The following KCNJ6 variants were observed in gnomAD, a reference collection of about 807,000 sequenced individuals.
KCNJ6 encodes the protein G protein-activated inward rectifier potassium channel 2.
KCNJ6 carries 9 observed loss-of-function variants against 34.2 expected under a neutral mutation model. The ratio of observed to expected loss-of-function variants is 0.26; its 90% CI spans 0.16 to 0.46. The LOEUF is 0.46. Ranked by LOEUF, KCNJ6 falls within the 20% of genes least tolerant of loss-of-function variation. The pLI is 1.00. For synonymous variants in KCNJ6, 196 were observed against 207.1 expected (o/e 0.95, Z 0.46); for missense variants, 236 against 531.3 (o/e 0.44, Z 5.46).
chr21:37,827,382 C>CATCTGACA (rs1291292677), intron 2 of KCNJ6, among the ~76,000 whole-genome samples: 23 of 152,174 alleles, frequency 1.5e-4, no homozygotes, highest in African/African-American at 4.6e-4. Context: ...GTGTAAGGTG[C>CATCTGACA]AGTGTTACTT....
At chr21:37,634,692 AT>A (rs150014533) in intron 3 of KCNJ6, among the ~76,000 whole-genome samples, 2,674 of 152,286 alleles carry the variant, frequency 0.018, 75 homozygotes, top group African/African-American at 0.06. Flanking sequence ...AAATTTAAAA[AT>A]ATACCACTTT....
intron 2 of KCNJ6, among the ~76,000 whole-genome samples, chr21:37,752,696 G>C (rs914764912): frequency 6.6e-6 from 1 of 152,238 alleles, no homozygotes; most frequent in Non-Finnish European, 1.5e-5. Context: ...GGCGGCCCCA[G>C]ACACATTCAA....
intron 2 of KCNJ6, among the ~76,000 whole-genome samples, chr21:37,768,028 C>T (rs1449414319): frequency 6.6e-6 from 1 of 151,584 alleles, no homozygotes; most frequent in Non-Finnish European, 1.5e-5. Context: ...AATTATATTT[C>T]CAAAGGACTT....
chr21:37,727,330 T>C (rs1039556577), intron 2 of KCNJ6, among the ~76,000 whole-genome samples: 4 of 151,996 alleles, frequency 2.6e-5, no homozygotes, highest in African/African-American at 9.7e-5. Flanking sequence ...GGTGGAGTGG[T>C]GGGGTCTAAG....
chr21:37,724,057 G>A (rs1382411359), intron 2 of KCNJ6, among the ~76,000 whole-genome samples: 2 of 152,170 alleles, frequency 1.3e-5, no homozygotes, highest in African/African-American at 2.4e-5. Context: ...GGAAATGAAG[G>A]GGAATGGGAA....
rs540848904 is a variant in KCNJ6 at position 37,828,016 on chromosome 21, T to A, written c.25+12642A>T. On this transcript the variant is annotated intron_variant, in intron 2 of 3. Transcript: ENST00000609713. ...CTGGGCCACAGTTAGATCAGCTCTGTCTGTCTCTTAAGGCCACACTGACGT... is the reference window on the plus strand; with the variant it reads ...CTGGGCCACAGTTAGATCAGCTCTGACTGTCTCTTAAGGCCACACTGACGT... Among the ~76,000 whole-genome samples, 33 of 152,284 alleles carry A rather than the reference T, an allele frequency of 2.2e-4. No individual in the cohort carries two copies. The South Asian group carries it at 6.6e-3, about 31-fold the overall frequency.
In KCNJ6 at chr21:37,622,300, G is replaced by A. The variant is rs1408555660; in HGVS notation, c.*2859C>T. On this transcript the variant is annotated 3_prime_UTR_variant, in exon 4 of 4. Coordinates refer to ENST00000609713, the MANE Select transcript of KCNJ6 (RefSeq NM_002240.5). The stretch of plus-strand genomic sequence containing the variant: ...CACTTGGTTTGCTAATGGAGTGACT[G>A]AGGGAATGAGGACTGGATATTGCGG... 2.0e-5 allele frequency: 3 copies of A among 152,210 alleles called. No individual in the cohort carries two copies. Among genetic ancestry groups the A allele is most frequent in the African/African-American group, 4.8e-5 (2 of 41,448 alleles). 9.4% of individuals were successfully genotyped at this position (152,210 alleles called of 1,614,324 possible).
chr21:37,817,127 T>C (rs2055350440), intron 2 of KCNJ6, among the ~76,000 whole-genome samples: 2 of 152,326 alleles, frequency 1.3e-5, no homozygotes, highest in South Asian at 4.1e-4. Context: ...CTCACGGAAC[T>C]GTTGTCAAGG....
chr21:37,634,627 T>A (rs1023611588), intron 3 of KCNJ6, among the ~76,000 whole-genome samples: 2 of 151,634 alleles, frequency 1.3e-5, no homozygotes, highest in Admixed American at 6.6e-5. Context: ...ACATGCAGGG[T>A]CTAATATAGA....
At chr21:37,655,227 GAGAGAGAGAGAGA>G (rs2054456586) in intron 3 of KCNJ6, among the ~76,000 whole-genome samples, 9 of 1,674 alleles carry the variant, frequency 5.4e-3, no homozygotes, top group African/African-American at 0.026. Context: ...GTGTGTGTGA[GAGAGAGAGAGAGA>G]GAGAGAGAGA....
chr21:37,714,184 G>A lies in KCNJ6; in HGVS notation c.946+27C>T, dbSNP rs1425656799. The A allele has an allele frequency of 6.6e-7, 1 of 1,515,990 alleles. No homozygotes were observed. Among genetic ancestry groups the A allele is most frequent in the Non-Finnish European group, 9.1e-7 (1 of 1,098,626 alleles). The allele number at this position is 1,515,990 out of a possible 1,614,324, so 93.9% of individuals were successfully genotyped here. A position where few individuals can be genotyped will look rare whatever the true frequency, so the allele number is the denominator to read the frequency against. On this transcript the variant is annotated intron_variant, in intron 3 of 3. Coordinates refer to ENST00000609713, the MANE Select transcript of KCNJ6 (RefSeq NM_002240.5). The surrounding 1 kb of genome is among the most constrained non-coding windows in gnomAD (Gnocchi z 5.9). ...GTTTAAAATGAGCATCTATCCCACAGCCATCCCAGGATAGAACACATCTTA... is the reference window on the plus strand; with the variant it reads ...GTTTAAAATGAGCATCTATCCCACAACCATCCCAGGATAGAACACATCTTA...
chr21:37,886,411 C>G (rs902781822), intron 1 of KCNJ6, among the ~76,000 whole-genome samples: 1 of 152,058 alleles, frequency 6.6e-6, no homozygotes, highest in Admixed American at 6.5e-5. Context: ...AGCTTTTCCC[C>G]GAAAGTAAGA....
chr21:37,768,184 G>A (rs997369738), intron 2 of KCNJ6, among the ~76,000 whole-genome samples: 1 of 151,264 alleles, frequency 6.6e-6, no homozygotes, highest in African/African-American at 2.4e-5. Flanking sequence ...CCAAGCTGCC[G>A]GGTTAACAGA....
chr21:37,759,339 C>T (rs1384498428), intron 2 of KCNJ6, among the ~76,000 whole-genome samples: 2 of 152,208 alleles, frequency 1.3e-5, no homozygotes, highest in African/African-American at 4.8e-5. Flanking sequence ...CGGGACTGCA[C>T]TGAACGGCAG....
At chr21:37,873,077 T>C (rs2055660399) in intron 1 of KCNJ6, among the ~76,000 whole-genome samples, 1 of 152,158 alleles carries the variant, frequency 6.6e-6, no homozygotes, top group Admixed American at 6.5e-5. Context: ...AGACTAATAA[T>C]GTCAAGGCCC....
At chr21:37,644,400 T>A (rs2054394477) in intron 3 of KCNJ6, among the ~76,000 whole-genome samples, 1 of 152,200 alleles carries the variant, frequency 6.6e-6, no homozygotes, top group Non-Finnish European at 1.5e-5. Flanking sequence ...AGGAGAACTT[T>A]TACTGATTTG....
intron 3 of KCNJ6, among the ~76,000 whole-genome samples, chr21:37,711,966 C>T (rs2054755427): frequency 6.6e-6 from 1 of 152,194 alleles, no homozygotes; most frequent in African/African-American, 2.4e-5. Flanking sequence ...GCAAGTATCA[C>T]TGTTAATTAC....
At chr21:37,665,841 G>C (rs1191902000) in intron 3 of KCNJ6, among the ~76,000 whole-genome samples, 1 of 152,244 alleles carries the variant, frequency 6.6e-6, no homozygotes, top group Non-Finnish European at 1.5e-5. Context: ...AGGGTGATGT[G>C]TGAGCTGGTG....
rs758076906 is a variant in KCNJ6, at chr21:37,617,963, G to A, written c.*7196C>T. On this transcript the variant is annotated 3_prime_UTR_variant, in exon 4 of 4. Transcript: ENST00000609713. Reference sequence around the variant, plus strand: ...GGGTCCCCCGGAAGATACTTCTAGGGGGTCATTGTCCAGATGGGCAAGAGC... The same window carrying A: ...GGGTCCCCCGGAAGATACTTCTAGGAGGTCATTGTCCAGATGGGCAAGAGC... The A allele has an allele frequency of 2.6e-5, 4 of 152,262 alleles. No individual in the cohort carries two copies. Among genetic ancestry groups the A allele is most frequent in the Non-Finnish European group, 5.9e-5 (4 of 68,106 alleles). The allele number at this position is 152,262 out of a possible 1,614,324, so 9.4% of individuals were successfully genotyped here.
Sources: gnomAD v4.1 joint callset for allele counts (sites outside exome capture counted in the v4.1 genomes callset) on GRCh38, gnomAD v4.1.1 for gene constraint, Gnocchi (gnomAD v3.1) non-coding constraint, MANE v1.5 for transcripts, NCBI Gene and HGNC (gene_info 2026-07-23, HGNC 2026-07-21) for gene names.